TAFA4: variants seen among roughly 807,000 people sequenced by gnomAD.
TAFA4 encodes the protein TAFA chemokine like family member 4.
In TAFA4, 20 loss-of-function variants were observed where a neutral mutation model predicts 21.1. That is an observed-to-expected ratio of 0.95 (90% CI 0.67 to 1.38). The LOEUF is 1.38. TAFA4 is among the 40% of genes most tolerant of loss of function. The probability of loss-of-function intolerance (pLI) is 0.00; values close to 1 mark genes in which losing one functional copy is unlikely to be tolerated. For synonymous variants in TAFA4, 71 were observed against 67.4 expected, an observed-to-expected ratio of 1.05 and a Z score of -0.26; for missense variants, 211 against 180.9, an observed-to-expected ratio of 1.17 and a Z score of -0.95.
chr3:68,757,937 T>C (rs778008321), intron 3 of TAFA4, among the ~76,000 whole-genome samples: 37 of 152,150 alleles, frequency 2.4e-4, no homozygotes, highest in Non-Finnish European at 4.9e-4. Flanking sequence ...TTTTTTTTTG[T>C]TACAAATATC....
At chr3:68,809,446 T>G (rs1440954009) in intron 3 of TAFA4, among the ~76,000 whole-genome samples, 1 of 151,994 alleles carries the variant, frequency 6.6e-6, no homozygotes, top group Non-Finnish European at 1.5e-5. Flanking sequence ...TTGTTTGTGA[T>G]TTTTTTTAGT....
chr3:68,819,960 T>C (rs1243359616), intron 3 of TAFA4, among the ~76,000 whole-genome samples: 2 of 152,164 alleles, frequency 1.3e-5, no homozygotes, highest in Non-Finnish European at 2.9e-5. Flanking sequence ...ATGAAACCAG[T>C]ATGTCAGAGA....
chr3:68,880,950 G>A (rs991219535), intron 2 of TAFA4, 105 bp from the exon 3 acceptor site: 2 of 772,860 alleles, frequency 2.6e-6, no homozygotes, highest in African/African-American at 3.5e-5. Flanking sequence ...GATCCCTGGA[G>A]CTGGAATTCC....
intron 3 of TAFA4, among the ~76,000 whole-genome samples, chr3:68,788,010 G>A (rs1456519212): frequency 3.9e-5 from 6 of 152,202 alleles, no homozygotes; most frequent in Non-Finnish European, 7.3e-5. Context: ...TGCTGGCTGT[G>A]CATTTGCATA....
At chr3:68,751,862 C>T (rs1045865716) in intron 4 of TAFA4, among the ~76,000 whole-genome samples, 3 of 152,144 alleles carry the variant, frequency 2.0e-5, no homozygotes, top group Non-Finnish European at 4.4e-5. Context: ...TGAGCAAAGT[C>T]TGAATTCAGC....
chr3:68,763,194 A>G lies in TAFA4; in HGVS notation c.131-10176T>C, dbSNP rs571984106. On this transcript the variant is annotated intron_variant, in intron 3 of 5. Transcript: ENST00000295569. Reference sequence around the variant, plus strand: ...AGTGATTTAAGTAGCAAAGGCCTAAAGAGAGACCTTTAGGAAAATTGGTGA... The same window carrying G: ...AGTGATTTAAGTAGCAAAGGCCTAAGGAGAGACCTTTAGGAAAATTGGTGA... Among the ~76,000 whole-genome samples, 5 of 152,334 alleles carry G rather than the reference A, an allele frequency of 3.3e-5. No homozygotes were observed. In the East Asian group the frequency reaches 7.7e-4, roughly 24 times the overall value.
chr3:68,867,642 G>A (rs773077439), intron 3 of TAFA4, among the ~76,000 whole-genome samples: 2 of 152,032 alleles, frequency 1.3e-5, no homozygotes, highest in African/African-American at 2.4e-5. Flanking sequence ...TTAGGGATAG[G>A]CAATATTAAA....
intron 3 of TAFA4, among the ~76,000 whole-genome samples, chr3:68,868,479 C>T (rs1210710764): frequency 1.3e-5 from 2 of 151,934 alleles, no homozygotes; most frequent in African/African-American, 4.8e-5. Context: ...GAACATTCTC[C>T]AGGACAGGTC....
intron 3 of TAFA4, among the ~76,000 whole-genome samples, chr3:68,765,765 A>G (rs754979019): frequency 2.0e-5 from 3 of 152,166 alleles, no homozygotes; most frequent in Non-Finnish European, 4.4e-5. Context: ...CAGACATTTA[A>G]TAGCCTTTTG....
chr3:68,889,397 T>C (rs1047529489), intron 1 of TAFA4, among the ~76,000 whole-genome samples: 38 of 152,144 alleles, frequency 2.5e-4, no homozygotes, highest in Non-Finnish European at 1.0e-4. Context: ...TACCTACACT[T>C]GATTTCTTAT....
rs143377463 is a variant in TAFA4 at position 68,906,176 on chromosome 3, C to T, written c.-122-20866G>A. Among the ~76,000 whole-genome samples the T allele has an allele frequency of 4.0e-3, 609 of 152,274 alleles. 3 individuals are homozygous for T. Among genetic ancestry groups the T allele is most frequent in the Middle Eastern group, 6.8e-3 (2 of 294 alleles). On this transcript the variant is annotated intron_variant, in intron 1 of 5. Transcript: ENST00000295569. ...AGACATTCTTCAAAGGAACAAGTGT[C>T]GTTCCTCAAAATGGCAAAGCTGGCA...
At chr3:68,751,502 A>ATACAT (rs1702556284) in intron 4 of TAFA4, among the ~76,000 whole-genome samples, 1 of 152,162 alleles carries the variant, frequency 6.6e-6, no homozygotes, top group African/African-American at 2.4e-5. Context: ...GAGATGATAA[A>ATACAT]TACATTAGAC....
chr3:68,911,307 A>C (rs928021415), intron 1 of TAFA4, among the ~76,000 whole-genome samples: 11 of 152,258 alleles, frequency 7.2e-5, no homozygotes, highest in African/African-American at 2.4e-4. Context: ...AAGACAAAAC[A>C]TCAACCACAG....
intron 3 of TAFA4, among the ~76,000 whole-genome samples, chr3:68,845,190 G>A (rs79319322): frequency 6.6e-6 from 1 of 152,130 alleles, no homozygotes; most frequent in Admixed American, 6.5e-5. Context: ...GGATCTGGGT[G>A]TTCCTGCAGT....
chr3:68,925,272 G>A lies in TAFA4; in HGVS notation c.-123+6968C>T, dbSNP rs566939253. On this transcript the variant is annotated intron_variant, in intron 1 of 5. Transcript: ENST00000295569. Reference sequence around the variant, plus strand: ...CAAAAATATAGATGAAGAAAGCTGCGACTCTGATGTGAAGCCGAGTTGCAT... The same window carrying A: ...CAAAAATATAGATGAAGAAAGCTGCAACTCTGATGTGAAGCCGAGTTGCAT... Among the ~76,000 whole-genome samples, 8 of 152,214 alleles carry A rather than the reference G, an allele frequency of 5.3e-5. No individual in the cohort carries two copies. The South Asian group carries it at 6.2e-4, about 12-fold the overall frequency.
chr3:68,748,743 C>CAAAAAAAAA (rs780362480), intron 4 of TAFA4, among the ~76,000 whole-genome samples: 1 of 60,028 alleles, frequency 1.7e-5, no homozygotes, highest in African/African-American at 5.6e-5. Context: ...GACTCCGTCT[C>CAAAAAAAAA]AAAAAAAAAA....
intron 3 of TAFA4, among the ~76,000 whole-genome samples, chr3:68,766,628 A>ATTCGGG (rs2106775697): frequency 6.6e-6 from 1 of 152,216 alleles, no homozygotes; most frequent in East Asian, 1.9e-4. Flanking sequence ...ATACTTAGAG[A>ATTCGGG]AACAATCCAG....
At chr3:68,806,419 T>C (rs1365379881) in intron 3 of TAFA4, among the ~76,000 whole-genome samples, 2 of 152,218 alleles carry the variant, frequency 1.3e-5, no homozygotes, top group African/African-American at 4.8e-5. Context: ...CCATTTAGTT[T>C]ATCATTCTAT....
intron 1 of TAFA4, among the ~76,000 whole-genome samples, chr3:68,926,565 G>A (rs2090109583): frequency 6.6e-6 from 1 of 152,162 alleles, no homozygotes; most frequent in Admixed American, 6.5e-5. Context: ...GACCTTAAAA[G>A]TTGCCATTAG....
Sources: gnomAD v4.1 joint callset for allele counts (sites outside exome capture counted in the v4.1 genomes callset) on GRCh38, gnomAD v4.1.1 for gene constraint, MANE v1.5 for transcripts, NCBI Gene and HGNC (gene_info 2026-07-23, HGNC 2026-07-21) for gene names.